GALNTL6: variants seen among roughly 807,000 people sequenced by gnomAD.
The protein encoded by GALNTL6 is polypeptide N-acetylgalactosaminyltransferase-like 6.
A neutral mutation model predicts 73.7 loss-of-function variants in GALNTL6; 46 were observed. The observed-to-expected ratio is 0.62, with a 90% confidence interval of 0.49 to 0.80. The LOEUF (loss-of-function observed/expected upper bound fraction) is 0.80, where lower values mean the gene tolerates loss of function less well. Ranked by LOEUF, GALNTL6 falls within the 30% of genes least tolerant of loss-of-function variation. GALNTL6 has a pLI of 0.00. For missense variants in GALNTL6, 604 were observed against 755.0 expected (o/e 0.80, Z 2.34); for synonymous variants, 259 against 263.7 (o/e 0.98, Z 0.17).
intron 7 of GALNTL6, among the ~76,000 whole-genome samples, chr4:172,859,274 C>G (rs73000164): frequency 6.6e-6 from 1 of 152,016 alleles, no homozygotes; most frequent in African/African-American, 2.4e-5. Context: ...ATAGTTTTAC[C>G]TGGTGTCACC....
At chr4:172,826,583 G>A (rs1742279249) in intron 7 of GALNTL6, among the ~76,000 whole-genome samples, 1 of 152,234 alleles carries the variant, frequency 6.6e-6, no homozygotes, top group African/African-American at 2.4e-5. Flanking sequence ...AATCCTTTGT[G>A]CAGGGAATAA....
chr4:171,902,045 G>A (rs544788950), intron 2 of GALNTL6, among the ~76,000 whole-genome samples: 1 of 152,232 alleles, frequency 6.6e-6, no homozygotes, highest in Admixed American at 6.5e-5. Flanking sequence ...AGATAAGTGG[G>A]AATGTTGCTA....
At chr4:172,067,467 C>A (rs1356003398) in intron 2 of GALNTL6, among the ~76,000 whole-genome samples, 1 of 151,998 alleles carries the variant, frequency 6.6e-6, no homozygotes, top group Non-Finnish European at 1.5e-5. Context: ...TCCCAGCAGA[C>A]CACCAGATGT....
rs78636127 is a variant in GALNTL6, at chr4:172,973,285, C to T, written c.1371+21027C>T. ...CACATTCTGGTATGATATGATGCAA[C>T]GTGAAAGCATTTTAGACAAGCCAGG... is the stretch of plus-strand genomic sequence containing the variant. On this transcript the variant is annotated intron_variant, in intron 10 of 12. Coordinates refer to ENST00000506823, the MANE Select transcript of GALNTL6 (RefSeq NM_001034845.3). Among the ~76,000 whole-genome samples the T allele has an allele frequency of 2.0e-3, 310 of 152,238 alleles. 4 individuals carry two copies. The highest frequency in any genetic ancestry group is 6.8e-3 in the Middle Eastern group (2 of 294).
At chr4:172,399,756 T>C (rs189941162) in intron 5 of GALNTL6, among the ~76,000 whole-genome samples, 29 of 152,124 alleles carry the variant, frequency 1.9e-4, no homozygotes, top group Admixed American at 1.7e-3. Flanking sequence ...AATTGATGAG[T>C]TTTTCTCATT....
chr4:172,133,273 G>A (rs1733549142), intron 2 of GALNTL6, among the ~76,000 whole-genome samples: 1 of 152,226 alleles, frequency 6.6e-6, no homozygotes, highest in Admixed American at 6.5e-5. Context: ...CATGATCCAG[G>A]AACTATGAAT....
At chr4:172,179,018 G>A (rs1170812709) in intron 2 of GALNTL6, among the ~76,000 whole-genome samples, 1 of 135,574 alleles carries the variant, frequency 7.4e-6, no homozygotes, top group Non-Finnish European at 1.6e-5. Context: ...GTATTCCATG[G>A]TGTATATGTG....
chr4:172,825,514 T>C (rs1742215839), intron 7 of GALNTL6, among the ~76,000 whole-genome samples: 1 of 152,170 alleles, frequency 6.6e-6, no homozygotes, highest in African/African-American at 2.4e-5. Flanking sequence ...CCCCAGACTC[T>C]GCCCAGATCC....
intron 7 of GALNTL6, among the ~76,000 whole-genome samples, chr4:172,819,827 A>G (rs565195848): frequency 7.2e-5 from 11 of 152,248 alleles, no homozygotes; most frequent in African/African-American, 2.2e-4. Context: ...GGAGATTTTC[A>G]CCTCCCATTC....
chr4:172,961,146 C>T lies in GALNTL6; in HGVS notation c.1371+8888C>T, dbSNP rs187674599. On this transcript the variant is annotated intron_variant, in intron 10 of 12. Coordinates refer to ENST00000506823, the MANE Select transcript of GALNTL6 (RefSeq NM_001034845.3). ...GGGGGGTTCTTGCCCACCAGAAAAG[C>T]GGAGAAGGGGTAGAGACACAGAGAG... Among the ~76,000 whole-genome samples the T allele has an allele frequency of 4.9e-3, 337 of 69,266 alleles. 6 individuals carry two copies. Among genetic ancestry groups the T allele is most frequent in the African/African-American group, 0.021 (317 of 15,024 alleles). The allele number at this position is 69,266 out of a possible 152,430, so 45.4% of individuals were successfully genotyped here. A position where few individuals can be genotyped will look rare whatever the true frequency, so the allele number is the denominator to read the frequency against.
intron 5 of GALNTL6, among the ~76,000 whole-genome samples, chr4:172,724,759 T>C (rs1268039792): frequency 6.6e-6 from 1 of 151,956 alleles, no homozygotes; most frequent in Non-Finnish European, 1.5e-5. Flanking sequence ...GACCCAAAGT[T>C]TGGGGAAAAA....
intron 8 of GALNTL6, among the ~76,000 whole-genome samples, chr4:172,925,348 C>T (rs2111303614): frequency 6.6e-6 from 1 of 152,186 alleles, no homozygotes; most frequent in East Asian, 1.9e-4. Context: ...TTTTAAGAAC[C>T]AGGATGAGGT....
chr4:172,351,535 G>T (rs1225773724), intron 5 of GALNTL6, among the ~76,000 whole-genome samples: 1 of 152,006 alleles, frequency 6.6e-6, no homozygotes, highest in African/African-American at 2.4e-5. Flanking sequence ...GACATCACTT[G>T]TTTACAGGGC....
At chr4:172,146,955 A>G (rs1437658314) in intron 2 of GALNTL6, among the ~76,000 whole-genome samples, 1 of 152,264 alleles carries the variant, frequency 6.6e-6, no homozygotes, top group Non-Finnish European at 1.5e-5. Context: ...ATATATTAAT[A>G]GAAAAATTAA....
intron 8 of GALNTL6, among the ~76,000 whole-genome samples, chr4:172,908,061 G>T (rs1747002393): frequency 6.6e-6 from 1 of 152,184 alleles, no homozygotes; most frequent in African/African-American, 2.4e-5. Flanking sequence ...GTGACCACAG[G>T]CAGACAGTGT....
At chr4:172,386,273 T>C (rs544198066) in intron 5 of GALNTL6, among the ~76,000 whole-genome samples, 2 of 152,228 alleles carry the variant, frequency 1.3e-5, no homozygotes, top group East Asian at 1.9e-4. Flanking sequence ...AGCACACATA[T>C]TTTTTTGCAC....
At chr4:172,174,708 CAT>C (rs1426049149) in intron 2 of GALNTL6, among the ~76,000 whole-genome samples, 13 of 152,110 alleles carry the variant, frequency 8.5e-5, no homozygotes, top group African/African-American at 2.7e-4. Context: ...GTTTCCTAAA[CAT>C]GTGTGGATCC....
chr4:172,507,069 G>A (rs1438584759), intron 5 of GALNTL6, among the ~76,000 whole-genome samples: 1 of 55,222 alleles, frequency 1.8e-5, no homozygotes, highest in African/African-American at 4.5e-5. Context: ...AAAAGGGTAC[G>A]ATCTAATGCT....
intron 5 of GALNTL6, among the ~76,000 whole-genome samples, chr4:172,428,857 G>A (rs1731324824): frequency 6.6e-6 from 1 of 152,092 alleles, no homozygotes; most frequent in African/African-American, 2.4e-5. Flanking sequence ...TCAGATTCAG[G>A]GGTCTGACTC....
Sources: allele counts gnomAD v4.1 joint callset (sites outside exome capture counted in the v4.1 genomes callset), GRCh38; gene constraint gnomAD v4.1.1; transcripts MANE v1.5; gene names NCBI Gene and HGNC (gene_info 2026-07-23, HGNC 2026-07-21).